Variants in MB21D2 observed in about 807,000 individuals in gnomAD.
MB21D2 encodes the protein nucleotidyltransferase MB21D2.
Under a neutral mutation model 33.3 loss-of-function variants are expected in MB21D2, and 9 were observed. The ratio of observed to expected loss-of-function variants is 0.27; its 90% CI spans 0.16 to 0.47. The LOEUF is 0.47. Ranked by LOEUF, MB21D2 falls within the 20% of genes least tolerant of loss-of-function variation. The pLI is 0.99. For missense variants in MB21D2, 540 were observed against 624.6 expected, an observed-to-expected ratio of 0.86 and a Z score of 1.44; for synonymous variants, 241 against 236.3, an observed-to-expected ratio of 1.02 and a Z score of -0.18.
chr3:192,831,292 C>T (rs1455840840), intron 1 of MB21D2, among the ~76,000 whole-genome samples: 1 of 152,150 alleles, frequency 6.6e-6, no homozygotes, highest in Non-Finnish European at 1.5e-5. Flanking sequence ...CCGGTGGAAA[C>T]TCTAGCCCCA....
chr3:192,870,945 C>T (rs1713283142), intron 1 of MB21D2, among the ~76,000 whole-genome samples: 1 of 152,140 alleles, frequency 6.6e-6, no homozygotes. Flanking sequence ...TTATTACCAC[C>T]CTCAGAGCAA....
intron 1 of MB21D2, among the ~76,000 whole-genome samples, chr3:192,850,690 C>T (rs754013476): frequency 3.3e-5 from 5 of 152,184 alleles, no homozygotes; most frequent in Non-Finnish European, 7.3e-5. Context: ...CTGGGAGCCC[C>T]GTCCCGTCTC....
chr3:192,873,079 A>G (rs1408883032), intron 1 of MB21D2, among the ~76,000 whole-genome samples: 1 of 152,038 alleles, frequency 6.6e-6, no homozygotes, highest in East Asian at 1.9e-4. Flanking sequence ...CTCTACACCA[A>G]TGGGCGTGGA....
chr3:192,857,320 C>T (rs1000637821), intron 1 of MB21D2, among the ~76,000 whole-genome samples: 1 of 152,126 alleles, frequency 6.6e-6, no homozygotes, highest in African/African-American at 2.4e-5. Flanking sequence ...TTATCTGGCT[C>T]CCAAACAATT....
At chr3:192,863,741 G>C (rs1442230244) in intron 1 of MB21D2, among the ~76,000 whole-genome samples, 1 of 152,116 alleles carries the variant, frequency 6.6e-6, no homozygotes, top group Non-Finnish European at 1.5e-5. Context: ...TAAGAGCAGA[G>C]CCCTCATGAA....
At chr3:192,896,058 T>C (rs546872252) in intron 1 of MB21D2, among the ~76,000 whole-genome samples, 2 of 152,248 alleles carry the variant, frequency 1.3e-5, no homozygotes, top group Non-Finnish European at 2.9e-5. Flanking sequence ...AGAGCAGTTT[T>C]ATGTACTCCG....
intron 1 of MB21D2, among the ~76,000 whole-genome samples, chr3:192,905,728 G>A (rs969066599): frequency 1.3e-5 from 2 of 151,192 alleles, no homozygotes; most frequent in African/African-American, 4.9e-5. Flanking sequence ...CACTACTCAG[G>A]AGTCTGAGGT....
intron 1 of MB21D2, among the ~76,000 whole-genome samples, chr3:192,881,137 T>C (rs529057830): frequency 6.6e-6 from 1 of 152,268 alleles, no homozygotes; most frequent in South Asian, 2.1e-4. Context: ...TCAGTATTAA[T>C]TGCATTTTTT....
intron 1 of MB21D2, among the ~76,000 whole-genome samples, chr3:192,904,891 T>G (rs1203147248): frequency 1.3e-5 from 2 of 152,218 alleles, no homozygotes; most frequent in Admixed American, 6.5e-5. Context: ...CTGGGAGGCC[T>G]TGGGCTCCGC....
chr3:192,885,220 A>T (rs1213209742), intron 1 of MB21D2, among the ~76,000 whole-genome samples: 1 of 152,138 alleles, frequency 6.6e-6, no homozygotes, highest in Non-Finnish European at 1.5e-5. Context: ...AGAGATCTTG[A>T]TATAGACAAC....
At chr3:192,860,010 G>A (rs906615691) in intron 1 of MB21D2, among the ~76,000 whole-genome samples, 1 of 152,192 alleles carries the variant, frequency 6.6e-6, no homozygotes, top group Admixed American at 6.5e-5. Context: ...TATAAACAAG[G>A]GTGGAGGGCC....
chr3:192,803,101 T>C (rs984781590), intron 1 of MB21D2, among the ~76,000 whole-genome samples: 8 of 152,244 alleles, frequency 5.3e-5, no homozygotes, highest in Non-Finnish European at 8.8e-5. Context: ...CCTTGGATTG[T>C]TACAATCTTG....
At chr3:192,851,045 T>C (rs1363429785) in intron 1 of MB21D2, among the ~76,000 whole-genome samples, 1 of 152,176 alleles carries the variant, frequency 6.6e-6, no homozygotes, top group African/African-American at 2.4e-5. Flanking sequence ...CAATAGTAAT[T>C]GCACCTATGA....
At chr3:192,878,081 C>CTTTTTTTTTTTTTTTTTTTT (rs11294126) in intron 1 of MB21D2, among the ~76,000 whole-genome samples, 20 of 119,492 alleles carry the variant, frequency 1.7e-4, no homozygotes, top group South Asian at 2.7e-4. Context: ...AATTCCTCCT[C>CTTTTTTTTTTTTTTTTTTTT]TTTTTTTTTT....
intron 1 of MB21D2, among the ~76,000 whole-genome samples, chr3:192,841,913 T>G (rs1373139018): frequency 6.6e-6 from 1 of 152,110 alleles, no homozygotes; most frequent in Non-Finnish European, 1.5e-5. Context: ...GCTGTAGACA[T>G]GAGTAGAAGT....
chr3:192,811,654 CA>C (rs1711789969), intron 1 of MB21D2, among the ~76,000 whole-genome samples: 1 of 152,188 alleles, frequency 6.6e-6, no homozygotes, highest in African/African-American at 2.4e-5. Context: ...GTTGTTATCT[CA>C]ATTCTCCTCA....
At chr3:192,878,079 CTCTTT>C (rs1243209550) in intron 1 of MB21D2, among the ~76,000 whole-genome samples, 2 of 134,206 alleles carry the variant, frequency 1.5e-5, no homozygotes, top group African/African-American at 3.0e-5. Flanking sequence ...ACAATTCCTC[CTCTTT>C]TTTTTTTTTT....
At chr3:192,887,286 C>T (rs980103500) in intron 1 of MB21D2, among the ~76,000 whole-genome samples, 4 of 152,076 alleles carry the variant, frequency 2.6e-5, no homozygotes, top group Non-Finnish European at 2.9e-5. Context: ...TGCAGGAACA[C>T]GCCACCACAC....
intron 1 of MB21D2, among the ~76,000 whole-genome samples, chr3:192,854,584 G>A (rs1159971876): frequency 3.3e-5 from 5 of 152,330 alleles, no homozygotes; most frequent in East Asian, 1.9e-4. Flanking sequence ...AGTAAACAGC[G>A]TTTCAATGGA....
Sources: allele counts gnomAD v4.1 joint callset (sites outside exome capture counted in the v4.1 genomes callset), GRCh38; gene constraint gnomAD v4.1.1; transcripts MANE v1.5; gene names NCBI Gene and HGNC (gene_info 2026-07-23, HGNC 2026-07-21).